ATRNL1: variants seen among roughly 807,000 people sequenced by gnomAD.
The protein encoded by ATRNL1 is attractin like 1.
A neutral mutation model predicts 182.7 loss-of-function variants in ATRNL1; 95 were observed. That is an observed-to-expected ratio of 0.52 (90% CI 0.44 to 0.62). The LOEUF (loss-of-function observed/expected upper bound fraction) is 0.62, where lower values mean the gene tolerates loss of function less well. Ranked by LOEUF, ATRNL1 falls within the 20% of genes least tolerant of loss-of-function variation. The probability of loss-of-function intolerance (pLI) is 0.00; values close to 1 mark genes in which losing one functional copy is unlikely to be tolerated. For missense variants in ATRNL1, 1,471 were observed against 1,679.5 expected, an observed-to-expected ratio of 0.88 and a Z score of 2.17; for synonymous variants, 576 against 568.3, an observed-to-expected ratio of 1.01 and a Z score of -0.19.
chr10:115,312,046 T>G (rs1307428568), intron 17 of ATRNL1, among the ~76,000 whole-genome samples: 1 of 152,006 alleles, frequency 6.6e-6, no homozygotes, highest in East Asian at 1.9e-4. Context: ...TGCTTTGTGG[T>G]TTTTCATCCA....
At chr10:115,799,577 A>G (rs2134231665) in intron 27 of ATRNL1, among the ~76,000 whole-genome samples, 1 of 152,330 alleles carries the variant, frequency 6.6e-6, no homozygotes, top group South Asian at 2.1e-4. Context: ...CAGAAGTCCC[A>G]GCCAGGCCCC....
intron 22 of ATRNL1, among the ~76,000 whole-genome samples, chr10:115,466,327 T>G (rs1400594842): frequency 6.6e-6 from 1 of 151,400 alleles, no homozygotes; most frequent in African/African-American, 2.4e-5. Context: ...CTTAGCAGTA[T>G]AGAATTTTCT....
At chr10:115,278,896 A>G (rs375191260) in intron 13 of ATRNL1, among the ~76,000 whole-genome samples, 57 of 152,242 alleles carry the variant, frequency 3.7e-4, no homozygotes, top group African/African-American at 1.1e-3. Context: ...AGATGGCTGC[A>G]TATGAACATA....
intron 23 of ATRNL1, 34 bp downstream of exon 23, chr10:115,467,286 T>C (rs1848098908): frequency 4.1e-6 from 6 of 1,449,348 alleles, no homozygotes; most frequent in Non-Finnish European, 5.7e-6. Context: ...CTCTTTTACA[T>C]GTGTTCCTAT....
At chr10:115,784,200 G>A (rs141646038) in intron 27 of ATRNL1, among the ~76,000 whole-genome samples, 56 of 152,238 alleles carry the variant, frequency 3.7e-4, no homozygotes, top group African/African-American at 1.2e-3. Context: ...CTCTGTAATC[G>A]CTACACACAG....
intron 19 of ATRNL1, among the ~76,000 whole-genome samples, chr10:115,368,751 C>G (rs1378394093): frequency 6.7e-6 from 1 of 149,092 alleles, no homozygotes; most frequent in African/African-American, 2.5e-5. Flanking sequence ...TCTCGCTCTT[C>G]CGCCCAGGCT....
rs71010046 is a variant in ATRNL1, at chr10:115,738,154, T to TTTTTTTTTTTTTTTTTTTTTTTTTC, written c.3903+10801_3903+10802insTTTTTTTTTTTTTTTTTTTTTTCTT. Among the ~76,000 whole-genome samples, 56 of 63,912 alleles carry TTTTTTTTTTTTTTTTTTTTTTTTTC rather than the reference T, an allele frequency of 8.8e-4. 13 individuals are homozygous for TTTTTTTTTTTTTTTTTTTTTTTTTC. The highest frequency in any genetic ancestry group is 2.3e-3 in the East Asian group (3 of 1,318). The allele number at this position is 63,912 out of a possible 152,430, so 41.9% of individuals were successfully genotyped here. ...TTTTTTTTTTTTTTTTTTTTTTTTT[T>TTTTTTTTTTTTTTTTTTTTTTTTTC]TTGAGATGGAGTCCTGCTCTGTCGC... On this transcript the variant is annotated intron_variant, in intron 27 of 28. Coordinates refer to ENST00000355044, the MANE Select transcript of ATRNL1 (RefSeq NM_207303.4).
intron 5 of ATRNL1, among the ~76,000 whole-genome samples, chr10:115,142,917 C>CTAA (rs1267442394): frequency 7.2e-5 from 11 of 152,002 alleles, no homozygotes; most frequent in African/African-American, 2.7e-4. Flanking sequence ...TTGTCATCAA[C>CTAA]TAATATGAGG....
At chr10:115,236,771 G>A (rs1452364415) in intron 9 of ATRNL1, among the ~76,000 whole-genome samples, 1 of 152,122 alleles carries the variant, frequency 6.6e-6, no homozygotes, top group Non-Finnish European at 1.5e-5. Flanking sequence ...TAAGTCCATA[G>A]TTTATATTAG....
chr10:115,221,374 C>T (rs75686034), intron 9 of ATRNL1, among the ~76,000 whole-genome samples: 6,041 of 152,180 alleles, frequency 0.04, 398 homozygotes, highest in African/African-American at 0.14. Context: ...GAACTGGTTT[C>T]GGTTTTTAGT....
At chr10:115,655,259 A>G (rs1166755733) in intron 26 of ATRNL1, among the ~76,000 whole-genome samples, 1 of 152,212 alleles carries the variant, frequency 6.6e-6, no homozygotes, top group Non-Finnish European at 1.5e-5. Flanking sequence ...CCGGAAAAAA[A>G]GGGCGATCAC....
intron 26 of ATRNL1, among the ~76,000 whole-genome samples, chr10:115,687,555 A>T (rs1946258161): frequency 6.6e-6 from 1 of 152,108 alleles, no homozygotes; most frequent in East Asian, 1.9e-4. Flanking sequence ...GGTTGTTAGT[A>T]TTGTAAGCAA....
intron 28 of ATRNL1, among the ~76,000 whole-genome samples, chr10:115,932,201 T>C (rs1198083405): frequency 6.6e-6 from 1 of 152,244 alleles, no homozygotes; most frequent in African/African-American, 2.4e-5. Context: ...GAGAATCCTC[T>C]GTTAGATTAA....
intron 10 of ATRNL1, among the ~76,000 whole-genome samples, chr10:115,255,487 T>G (rs1034857635): frequency 6.6e-6 from 1 of 152,240 alleles, no homozygotes; most frequent in Non-Finnish European, 1.5e-5. Flanking sequence ...ACATTGATTT[T>G]GTATCCTGAG....
intron 21 of ATRNL1, among the ~76,000 whole-genome samples, chr10:115,457,046 C>T (rs1847558455): frequency 6.6e-6 from 1 of 152,126 alleles, no homozygotes; most frequent in African/African-American, 2.4e-5. Context: ...GGGAGGGTTA[C>T]AGGTCTTTTG....
At chr10:115,915,133 C>T (rs1193761639) in intron 28 of ATRNL1, among the ~76,000 whole-genome samples, 3 of 152,116 alleles carry the variant, frequency 2.0e-5, no homozygotes, top group African/African-American at 7.2e-5. Context: ...TGCGGTGGCT[C>T]ACACCTGTAA....
chr10:115,513,028 G>A (rs1438027728), intron 24 of ATRNL1, among the ~76,000 whole-genome samples: 1 of 151,914 alleles, frequency 6.6e-6, no homozygotes, highest in African/African-American at 2.4e-5. Flanking sequence ...AAAACATTAT[G>A]AGATTTTTTT....
intron 26 of ATRNL1, among the ~76,000 whole-genome samples, chr10:115,628,436 T>C (rs888251561): frequency 2.0e-5 from 3 of 152,124 alleles, no homozygotes; most frequent in Non-Finnish European, 4.4e-5. Context: ...TGATTTGTTG[T>C]TGTTGCATTG....
chr10:115,418,590 T>C (rs567950153), intron 20 of ATRNL1, among the ~76,000 whole-genome samples: 1 of 152,202 alleles, frequency 6.6e-6, no homozygotes, highest in Non-Finnish European at 1.5e-5. Context: ...TGCCCAATTA[T>C]AGCAAAGTCA....
Sources: gnomAD v4.1 joint callset for allele counts (sites outside exome capture counted in the v4.1 genomes callset) on GRCh38, gnomAD v4.1.1 for gene constraint, MANE v1.5 for transcripts, NCBI Gene and HGNC (gene_info 2026-07-23, HGNC 2026-07-21) for gene names.